SLC45A4: variants seen among roughly 807,000 people sequenced by gnomAD.
SLC45A4 encodes the protein polyamine-transporter SLC45A4.
Under a neutral mutation model 63.7 loss-of-function variants are expected in SLC45A4, and 32 were observed. That is an observed-to-expected ratio of 0.50 (90% CI 0.38 to 0.67). The LOEUF is 0.67. Among genes scored for constraint, SLC45A4 ranks in the 30% least tolerant of loss-of-function variants. The pLI is 0.00. For missense variants in SLC45A4, 1,027 were observed against 1,157.7 expected (o/e 0.89, Z 1.64); for synonymous variants, 535 against 510.0 (o/e 1.05, Z -0.66).
intron 1 of SLC45A4, among the ~76,000 whole-genome samples, chr8:141,257,534 G>C (rs1828850137): frequency 6.6e-6 from 1 of 152,206 alleles, no homozygotes; most frequent in Non-Finnish European, 1.5e-5. Flanking sequence ...TCCCATTACA[G>C]TGTCCTCGGA....
chr8:141,307,202 A>G (rs553562958), intron 1 of SLC45A4, among the ~76,000 whole-genome samples: 1 of 152,198 alleles, frequency 6.6e-6, no homozygotes, highest in South Asian at 2.1e-4. Context: ...AAGTGCTCCA[A>G]TCCAGAGCAG....
chr8:141,293,955 A>AGT (rs1437151008), intron 1 of SLC45A4, among the ~76,000 whole-genome samples: 1 of 138,958 alleles, frequency 7.2e-6, no homozygotes, highest in Non-Finnish European at 1.6e-5. Flanking sequence ...AAGTAAATGT[A>AGT]AAAAAAAAAA....
intron 1 of SLC45A4, among the ~76,000 whole-genome samples, chr8:141,265,552 A>C (rs1203821601): frequency 6.6e-6 from 1 of 152,240 alleles, no homozygotes; most frequent in Non-Finnish European, 1.5e-5. Context: ...TATAAGCACG[A>C]GAGCATTATC....
intron 1 of SLC45A4, among the ~76,000 whole-genome samples, chr8:141,274,034 C>A (rs1829637820): frequency 6.8e-6 from 1 of 146,638 alleles, no homozygotes; most frequent in African/African-American, 2.6e-5. Context: ...TTGAGACCAT[C>A]CTGCCTAACA....
In SLC45A4 at chr8:141,215,975, A is replaced by C. The variant is rs759989695; in HGVS notation, c.1730-5T>G. 1 of 1,612,188 alleles carries C rather than the reference A, an allele frequency of 6.2e-7. No individual in the cohort carries two copies. On this transcript the variant is annotated splice_polypyrimidine_tract_variant and splice_region_variant and intron_variant, in intron 6 of 8. Transcript: ENST00000517878. This position sits in a 1 kb window ranked among gnomAD's most constrained non-coding sequence, Gnocchi z 4.3. Reference sequence around the variant, plus strand: ...CCAAGTACTTCTGTAACAGGGCTGCAGAGAGGGGCACAGGGACAAGGACAG... The same window carrying C: ...CCAAGTACTTCTGTAACAGGGCTGCCGAGAGGGGCACAGGGACAAGGACAG...
chr8:141,277,609 TA>T lies in SLC45A4; in HGVS notation c.-400-22981del, dbSNP rs35641074. ...ACTAAAAAGTCCACCCTTTTACTCT[TA>T]AAAAAAAAAATCTTCAAATTGTGTT... On this transcript the variant is annotated intron_variant, in intron 1 of 8. Coordinates refer to ENST00000517878, the MANE Select transcript of SLC45A4 (RefSeq NM_001286646.2). Among the ~76,000 whole-genome samples, 538 of 148,514 alleles carry T rather than the reference TA, an allele frequency of 3.6e-3. 4 individuals carry two copies. Among genetic ancestry groups the T allele is most frequent in the Admixed American group, 0.016 (238 of 14,936 alleles).
intron 7 of SLC45A4, 102 bp from the exon 8 acceptor site, chr8:141,212,658 C>A: frequency 7.3e-7 from 1 of 1,378,472 alleles, no homozygotes; most frequent in South Asian, 1.5e-5. Context: ...AAACATGACC[C>A]GTCTTCCACC....
chr8:141,235,059 C>T (rs1258064612), intron 2 of SLC45A4, among the ~76,000 whole-genome samples: 5 of 152,224 alleles, frequency 3.3e-5, no homozygotes, highest in Non-Finnish European at 7.3e-5. Flanking sequence ...TTTGTTGCTT[C>T]ATCTCCGAGT....
In SLC45A4 at chr8:141,254,676, C is replaced by G. The variant is rs745788433; in HGVS notation, c.-400-47G>C. Reference sequence around the variant, plus strand: ...CGGCCAGAGAGTCAGGGGACGGCCACCAGATGGCCCTGTGGACCGCCGCCC... The same window carrying G: ...CGGCCAGAGAGTCAGGGGACGGCCAGCAGATGGCCCTGTGGACCGCCGCCC... On this transcript the variant is annotated intron_variant, in intron 1 of 8. Coordinates refer to ENST00000517878, the MANE Select transcript of SLC45A4 (RefSeq NM_001286646.2). The surrounding 1 kb of genome is among the most constrained non-coding windows in gnomAD (Gnocchi z 4.5). 1 of 696,722 alleles carries G rather than the reference C, an allele frequency of 1.4e-6. No homozygotes were observed. Among genetic ancestry groups the G allele is most frequent in the Non-Finnish European group, 2.6e-6 (1 of 381,798 alleles). The allele number at this position is 696,722 out of a possible 1,614,324, so 43.2% of individuals were successfully genotyped here. A position where few individuals can be genotyped will look rare whatever the true frequency, so the allele number is the denominator to read the frequency against.
chr8:141,231,212 C>T (rs888058808), intron 2 of SLC45A4, among the ~76,000 whole-genome samples: 3 of 152,176 alleles, frequency 2.0e-5, no homozygotes, highest in African/African-American at 4.8e-5. Flanking sequence ...TGGGAAGGAG[C>T]GCCGGAGACA....
intron 2 of SLC45A4, among the ~76,000 whole-genome samples, chr8:141,238,011 A>G (rs1193297650): frequency 1.3e-5 from 2 of 152,258 alleles, no homozygotes; most frequent in Non-Finnish European, 2.9e-5. Context: ...ATCCTTGCAC[A>G]AGAAGTTTCT....
chr8:141,284,410 C>G (rs1830067490), intron 1 of SLC45A4, among the ~76,000 whole-genome samples: 1 of 152,242 alleles, frequency 6.6e-6, no homozygotes, highest in Admixed American at 6.5e-5. Flanking sequence ...GGGCCACCCC[C>G]AGCACTCCAC....
In SLC45A4 at chr8:141,215,988, G is replaced by A. The variant is rs1207685738; in HGVS notation, c.1730-18C>T. On this transcript the variant is annotated intron_variant, in intron 6 of 8. Transcript: ENST00000517878. The surrounding 1 kb of genome is among the most constrained non-coding windows in gnomAD (Gnocchi z 4.3). ...TAACAGGGCTGCAGAGAGGGGCACA[G>A]GGACAAGGACAGTGGGCAGGCGGCT... 6.2e-7 allele frequency: 1 copy of A among 1,609,384 alleles called. No individual in the cohort carries two copies. The highest frequency in any genetic ancestry group is 8.5e-7 in the Non-Finnish European group (1 of 1,178,274).
At position 141,227,689 on chromosome 8, in the gene SLC45A4, G is replaced by A. The variant is rs2154614195; in HGVS notation, c.242-5924C>T. Among the ~76,000 whole-genome samples the A allele has an allele frequency of 6.6e-6, 1 of 152,298 alleles. No homozygotes were observed. The highest frequency in any genetic ancestry group is 2.4e-5 in the African/African-American group (1 of 41,570). ...TGGGCCCCCGGCACTGAGGCTCTGT[G>A]CTGGCGAGGGCCCCACAGCTGCAAG... On this transcript the variant is annotated intron_variant, in intron 2 of 8. Coordinates refer to ENST00000517878, the MANE Select transcript of SLC45A4 (RefSeq NM_001286646.2). The surrounding 1 kb of genome is among the most constrained non-coding windows in gnomAD (Gnocchi z 4.4).
intron 1 of SLC45A4, among the ~76,000 whole-genome samples, chr8:141,288,050 A>G (rs938104229): frequency 6.6e-5 from 10 of 152,084 alleles, no homozygotes; most frequent in Non-Finnish European, 1.5e-4. Context: ...GGTGGCTCAC[A>G]TCTGTAATCC....
In SLC45A4 at chr8:141,217,994, G is replaced by A. The variant is rs748526562; in HGVS notation, c.1629+17C>T. On this transcript the variant is annotated intron_variant, in intron 5 of 8. Transcript: ENST00000517878. ...TGGGCAGAGAGAGCGGCCCCGCTCCGGTGGCCGAGCACTCACCTTGGGGTC... is the reference window on the plus strand; with the variant it reads ...TGGGCAGAGAGAGCGGCCCCGCTCCAGTGGCCGAGCACTCACCTTGGGGTC... 6.4e-5 allele frequency: 16 copies of A among 250,524 alleles called. No homozygotes were observed. In the Admixed American group the frequency reaches 1.7e-3, roughly 27 times the overall value. 15.5% of individuals were successfully genotyped at this position (250,524 alleles called of 1,614,324 possible).
chr8:141,255,031 G>A lies in SLC45A4; in HGVS notation c.-400-402C>T, dbSNP rs754066241. Among the ~76,000 whole-genome samples the A allele has an allele frequency of 2.6e-5, 4 of 152,168 alleles. No individual in the cohort carries two copies. In the East Asian group the frequency reaches 5.8e-4, roughly 22 times the overall value. ...GCAGATATCATGAAAGGGAAGTAAG[G>A]AGGTGAAGGGAAAAGTGGGGGAGGT... On this transcript the variant is annotated intron_variant, in intron 1 of 8. Coordinates refer to ENST00000517878, the MANE Select transcript of SLC45A4 (RefSeq NM_001286646.2).
Position 141,215,687 on chromosome 8 carries a change from G to T in SLC45A4, c.1941+72C>A. The T allele has an allele frequency of 6.7e-7, 1 of 1,498,536 alleles. No individual in the cohort carries two copies. Among genetic ancestry groups the T allele is most frequent in the South Asian group, 1.1e-5 (1 of 88,402 alleles). The allele number at this position is 1,498,536 out of a possible 1,614,324, so 92.8% of individuals were successfully genotyped here. On this transcript the variant is annotated intron_variant, in intron 7 of 8. Transcript: ENST00000517878. The surrounding 1 kb of genome is among the most constrained non-coding windows in gnomAD (Gnocchi z 4.3). ...GTGAACGTCCCCCCGGGGAAGCACA[G>T]GGCTCTGCTCTGTATGGAGGGAAGG...
At position 141,211,389 on chromosome 8, in the gene SLC45A4, A is replaced by G; in HGVS notation, c.*183T>C. 1 of 1,514,234 alleles carries G rather than the reference A, an allele frequency of 6.6e-7. No individual in the cohort carries two copies. Among genetic ancestry groups the G allele is most frequent in the Non-Finnish European group, 8.8e-7 (1 of 1,133,238 alleles). 93.8% of individuals were successfully genotyped at this position (1,514,234 alleles called of 1,614,324 possible). ...CGTCTGGAGCTCACGCTCCGCCCCC[A>G]GGTGGTGCCCAGCCCATCCCTGGGC... On this transcript the variant is annotated 3_prime_UTR_variant, in exon 9 of 9. Coordinates refer to ENST00000517878, the MANE Select transcript of SLC45A4 (RefSeq NM_001286646.2).
Sources: gnomAD v4.1 joint callset for allele counts (sites outside exome capture counted in the v4.1 genomes callset) on GRCh38, gnomAD v4.1.1 for gene constraint, Gnocchi (gnomAD v3.1) non-coding constraint, MANE v1.5 for transcripts, NCBI Gene and HGNC (gene_info 2026-07-23, HGNC 2026-07-21) for gene names.